Variants in MMRN2 observed in about 807,000 individuals in gnomAD.
The protein encoded by MMRN2 is multimerin-2.
In MMRN2, 53 loss-of-function variants were observed where a neutral mutation model predicts 68.8. The observed-to-expected ratio is 0.77, with a 90% CI of 0.62 to 0.97. MMRN2 has a LOEUF of 0.97. Ranked by LOEUF, MMRN2 falls within the 50% of genes least tolerant of loss-of-function variation. The pLI is 0.00. For missense variants in MMRN2, 1,266 were observed against 1,259.5 expected (o/e 1.01, Z -0.08); for synonymous variants, 564 against 551.6 (o/e 1.02, Z -0.32).
At chr10:86,946,827 C>T (rs1201737469) in intron 1 of MMRN2, among the ~76,000 whole-genome samples, 2 of 152,182 alleles carry the variant, frequency 1.3e-5, no homozygotes, top group East Asian at 3.9e-4. Flanking sequence ...TCAGGATCCC[C>T]AGGGAGAGCG....
Position 86,942,648 on chromosome 10 carries a change from C to T in MMRN2, c.2136G>A (p.Gly712=). ...CCCCGGCCTCGGCCTCGCAGCACCG[C>T]CCGACATTCTTGACGTCGTTGCTCA... The part of the protein sequence containing the change: ...QSLSNDVKNV[G]RCCEAEAGAG... Residue 712 remains glycine, a synonymous_variant, in exon 6 of 7, where the codon GGG becomes GGA. Coordinates refer to ENST00000372027, the MANE Select transcript of MMRN2 (RefSeq NM_024756.3). 6.3e-7 allele frequency: 1 copy of T among 1,598,372 alleles called. No individual in the cohort carries two copies. The highest frequency in any genetic ancestry group is 8.5e-7 in the Non-Finnish European group (1 of 1,178,788).
chr10:86,953,814 T>C (rs1033829833), intron 1 of MMRN2, among the ~76,000 whole-genome samples: 1 of 152,238 alleles, frequency 6.6e-6, no homozygotes, highest in Admixed American at 6.5e-5. Context: ...CAGGCACGCC[T>C]GGCCTGGTCC....
Position 86,936,863 on chromosome 10 carries a change from G to C in MMRN2, c.2730C>G (p.Val910=), listed in dbSNP as rs774863951. 5 of 1,614,212 alleles carry C rather than the reference G, an allele frequency of 3.1e-6. No homozygotes were observed. The highest frequency in any genetic ancestry group is 3.3e-5 in the Admixed American group (2 of 60,022). The change falls in exon 7 of 7, where the codon GTC becomes GTG. Residue 910 remains valine (V), a synonymous_variant. Coordinates refer to ENST00000372027, the MANE Select transcript of MMRN2 (RefSeq NM_024756.3). ...TGQGSGSTAT[V]FAMAELQKGE... is the part of the protein sequence containing the mutation. The stretch of plus-strand genomic sequence containing the variant: ...CCTTCTGCAGCTCAGCCATGGCAAA[G>C]ACCGTTGCTGTGCTTCCACTCCCCT...
intron 1 of MMRN2, among the ~76,000 whole-genome samples, chr10:86,950,604 G>C (rs1201952340): frequency 6.6e-6 from 1 of 152,170 alleles, no homozygotes; most frequent in African/African-American, 2.4e-5. Flanking sequence ...TATGAGGGCA[G>C]CAGTTCACAT....
In MMRN2 at chr10:86,942,665, C is replaced by A. The variant is rs1460138557; in HGVS notation, c.2119G>T (p.Asp707Tyr). 5.0e-6 allele frequency: 8 copies of A among 1,594,364 alleles called. No homozygotes were observed. Among genetic ancestry groups the A allele is most frequent in the South Asian group, 1.1e-5 (1 of 90,504 alleles). ...LARELQSLSN[D>Y]VKNVGRCCEA... ...CAGCACCGCCCGACATTCTTGACGT[C>A]GTTGCTCAGGCTCTGGAGCTCCCGC... The change falls in exon 6 of 7, where the codon GAC (aspartate) becomes TAC (tyrosine). Residue 707 changes from aspartate (D) to tyrosine (Y), a missense_variant. Physicochemically the swap from Asp to Tyr is radical, Grantham distance 160. Coordinates refer to ENST00000372027, the MANE Select transcript of MMRN2 (RefSeq NM_024756.3).
Position 86,942,768 on chromosome 10 carries a change from CG to C in MMRN2, c.2015del (p.Pro672ArgfsTer33), listed in dbSNP as rs1393924730. On this transcript the variant is annotated frameshift_variant, in exon 6 of 7. Transcript: ENST00000372027. LOFTEE classifies it high-confidence loss of function. ...TGGGCTCCAGGTGCTCTGCCGGCCG[CG>C]GGGGCTCCGAGGCCTGCTCCAGGGC... ...VTALEQASEP[P>X]RPAEHLEPSH... The C allele has an allele frequency of 4.4e-6, 6 of 1,371,784 alleles. No homozygotes were observed. The highest frequency in any genetic ancestry group is 3.6e-5 in the Admixed American group (1 of 27,482). The allele number at this position is 1,371,784 out of a possible 1,614,324, so 85.0% of individuals were successfully genotyped here.
intron 6 of MMRN2, among the ~76,000 whole-genome samples, chr10:86,938,527 G>A (rs1843911646): frequency 6.6e-6 from 1 of 152,242 alleles, no homozygotes; most frequent in Non-Finnish European, 1.5e-5. Context: ...GGGCAGCTGG[G>A]GACAGGGTCA....
At chr10:86,948,210 G>T (rs1844095940) in intron 1 of MMRN2, among the ~76,000 whole-genome samples, 1 of 129,038 alleles carries the variant, frequency 7.7e-6, no homozygotes, top group African/African-American at 2.9e-5. Context: ...TGGGTGCACA[G>T]CAAAACCCTA....
chr10:86,939,806 G>GGTGTGTGTGT (rs769816445), intron 6 of MMRN2, among the ~76,000 whole-genome samples: 13 of 146,624 alleles, frequency 8.9e-5, no homozygotes, highest in Admixed American at 8.8e-4. Context: ...GGAAATTTGG[G>GGTGTGTGTGT]GTGTGTGTGT....
Position 86,943,135 on chromosome 10 carries a change from T to C in MMRN2, c.1649A>G (p.His550Arg). 6.3e-7 allele frequency: 1 copy of C among 1,581,926 alleles called. No individual in the cohort carries two copies. The highest frequency in any genetic ancestry group is 8.6e-7 in the Non-Finnish European group (1 of 1,167,576). ...VDAVSLAVDA[H>R]KAEGERARAA... ...CCGCGCCCGCTCGCCCTCCGCTTTG[T>C]GCGCGTCCACGGCCAGCGACACGGC... The change falls in exon 6 of 7, where the codon CAC becomes CGC. Residue 550 changes from histidine to arginine, a missense_variant. Transcript: ENST00000372027. This position sits in a 1 kb window ranked among gnomAD's most constrained non-coding sequence, Gnocchi z 4.2.
At chr10:86,944,195 C>G in intron 5 of MMRN2, 67 bp from the exon 6 acceptor site, 1 of 1,591,220 alleles carries the variant, frequency 6.3e-7, no homozygotes, top group Non-Finnish European at 8.6e-7. Flanking sequence ...CTGGGACCAG[C>G]GGGGTCCTCC....
Position 86,942,900 on chromosome 10 carries a change from TC to T in MMRN2, c.1883del (p.Gly628AspfsTer5). ...TCTGCTCGTAGCTCAGGGGCAGCGG[TC>T]CCGGCGTCTGCTCAGACATCTCCTC... ...VLEEMSEQTP[G>X]PLPLSYEQIR... On this transcript the variant is annotated frameshift_variant, in exon 6 of 7. Coordinates refer to ENST00000372027, the MANE Select transcript of MMRN2 (RefSeq NM_024756.3). LOFTEE classifies it high-confidence loss of function. The T allele has an allele frequency of 6.8e-7, 1 of 1,468,302 alleles. No homozygotes were observed. The highest frequency in any genetic ancestry group is 2.2e-5 in the Admixed American group (1 of 44,924). 91.0% of individuals were successfully genotyped at this position (1,468,302 alleles called of 1,614,324 possible). A position where few individuals can be genotyped will look rare whatever the true frequency, so the allele number is the denominator to read the frequency against.
rs886614943 is a variant in MMRN2, at chr10:86,942,240, T to C, written c.2467+77A>G. On this transcript the variant is annotated intron_variant, in intron 6 of 6. Transcript: ENST00000372027. Reference sequence around the variant, plus strand: ...ATCCTGTTCTCTTTCTTCCTGGCCCTCTTGGAGGCAGAAGAGCTGCCGGCA... The same window carrying C: ...ATCCTGTTCTCTTTCTTCCTGGCCCCCTTGGAGGCAGAAGAGCTGCCGGCA... The C allele has an allele frequency of 2.7e-6, 4 of 1,497,478 alleles. No individual in the cohort carries two copies. In the African/African-American group the frequency reaches 5.6e-5, roughly 21 times the overall value. The allele number at this position is 1,497,478 out of a possible 1,614,324, so 92.8% of individuals were successfully genotyped here.
At chr10:86,947,403 T>C (rs1844085060) in intron 1 of MMRN2, among the ~76,000 whole-genome samples, 1 of 151,940 alleles carries the variant, frequency 6.6e-6, no homozygotes, top group Non-Finnish European at 1.5e-5. Flanking sequence ...AGTCTCGCAC[T>C]GTCGCTTGGG....
chr10:86,944,250 C>G lies in MMRN2; in HGVS notation c.655+12G>C. On this transcript the variant is annotated intron_variant, in intron 5 of 6. Transcript: ENST00000372027. ...CCAGGCTCTTCCTCAGCCCCTAGAG[C>G]CTGCCACTCACCGTGCCCTGTTTGA... 7 of 1,600,820 alleles carry G rather than the reference C, an allele frequency of 4.4e-6. No homozygotes were observed. The highest frequency in any genetic ancestry group is 6.0e-6 in the Non-Finnish European group (7 of 1,170,988).
chr10:86,953,941 G>C (rs1844179209), intron 1 of MMRN2: 1 of 152,404 alleles, frequency 6.6e-6, no homozygotes, highest in South Asian at 2.1e-4. Context: ...CTGGGCTTCA[G>C]CACTGCTATT....
At position 86,953,274 on chromosome 10, in the gene MMRN2, G is replaced by A. The variant is rs530078299; in HGVS notation, c.164+4104C>T. Among the ~76,000 whole-genome samples, 5 of 152,284 alleles carry A rather than the reference G, an allele frequency of 3.3e-5. No homozygotes were observed. The South Asian group carries it at 1.0e-3, about 32-fold the overall frequency. ...AGGATTAAGAGATTAAAGCAAGACA[G>A]GCATAAGAAATTATGAGTATTATTA... On this transcript the variant is annotated intron_variant, in intron 1 of 6. Coordinates refer to ENST00000372027, the MANE Select transcript of MMRN2 (RefSeq NM_024756.3).
Position 86,943,199 on chromosome 10 carries a change from C to A in MMRN2, c.1585G>T (p.Asp529Tyr). The change falls in exon 6 of 7, where the codon GAC becomes TAC. Residue 529 changes from aspartate to tyrosine, a missense_variant. By Grantham distance (160) the Asp-to-Tyr change is radical. Transcript: ENST00000372027. The surrounding 1 kb of genome is among the most constrained non-coding windows in gnomAD (Gnocchi z 4.2). ...TGCAGGGCCTGCAGGGAGGAGCCGT[C>A]CAGCTGCCGCCGCTCGTCCAGGCTC... is the stretch of plus-strand genomic sequence containing the variant. Reference protein sequence around the residue: ...QVSLDERRQLDGSSLQALQNA... With the variant: ...QVSLDERRQLYGSSLQALQNA... The A allele has an allele frequency of 6.2e-7, 1 of 1,609,452 alleles. No individual in the cohort carries two copies. The highest frequency in any genetic ancestry group is 8.5e-7 in the Non-Finnish European group (1 of 1,177,626).
intron 6 of MMRN2, among the ~76,000 whole-genome samples, chr10:86,939,918 T>C (rs1259062954): frequency 6.6e-6 from 1 of 151,902 alleles, no homozygotes; most frequent in African/African-American, 2.4e-5. Flanking sequence ...TGGAGCTATC[T>C]TGGCTCACAG....
Sources: gnomAD v4.1 joint callset for allele counts (sites outside exome capture counted in the v4.1 genomes callset) on GRCh38, gnomAD v4.1.1 for gene constraint, Gnocchi (gnomAD v3.1) non-coding constraint, MANE v1.5 for transcripts, NCBI Gene and HGNC (gene_info 2026-07-23, HGNC 2026-07-21) for gene names.